ADARB2: variants seen among roughly 807,000 people sequenced by gnomAD.
The protein encoded by ADARB2 is adenosine deaminase RNA specific B2 (inactive).
ADARB2 carries 25 observed loss-of-function variants against 62.2 expected under a neutral mutation model. The observed-to-expected ratio is 0.40, with a 90% CI of 0.29 to 0.56. ADARB2 has a LOEUF of 0.56. ADARB2 is among the 20% of genes least tolerant of loss of function. The pLI, the probability that ADARB2 is intolerant of heterozygous loss-of-function variation, is 0.43. For missense variants in ADARB2, 1,071 were observed against 1,077.4 expected (o/e 0.99, Z 0.08); for synonymous variants, 572 against 500.8 (o/e 1.14, Z -1.90).
chr10:1,439,250 T>C (rs1195273170), intron 1 of ADARB2, among the ~76,000 whole-genome samples: 2 of 112,412 alleles, frequency 1.8e-5, no homozygotes, highest in African/African-American at 4.1e-5. Flanking sequence ...AGACTCTTCA[T>C]GATGGGGCTC....
chr10:1,606,606 A>G (rs1407772396), intron 1 of ADARB2, among the ~76,000 whole-genome samples: 1 of 152,112 alleles, frequency 6.6e-6, no homozygotes. Flanking sequence ...TCAAGAGGGA[A>G]GAAAAGGTGC....
chr10:1,415,296 G>A (rs1000286639), intron 1 of ADARB2, among the ~76,000 whole-genome samples: 6 of 150,398 alleles, frequency 4.0e-5, no homozygotes, highest in South Asian at 2.1e-4. Context: ...GGTATATGAC[G>A]ATAGAATGGG....
intron 1 of ADARB2, among the ~76,000 whole-genome samples, chr10:1,628,290 G>T (rs11250679): frequency 0.11 from 17,280 of 152,226 alleles, 2,425 homozygotes; most frequent in African/African-American, 0.33. Flanking sequence ...CCTGCTAGCC[G>T]TGGGTAGTGC....
At position 1,297,280 on chromosome 10, in the gene ADARB2, C is replaced by T. The variant is rs1382295680; in HGVS notation, c.1078-26211G>A. On this transcript the variant is annotated intron_variant, in intron 3 of 9. Transcript: ENST00000381312. The stretch of plus-strand genomic sequence containing the variant: ...TGGGTATGGAGGGAGGCGTAGCCCC[C>T]GTCAGCCGTGGTTATGGACCCGCAG... 3.9e-5 allele frequency among the ~76,000 whole-genome samples: 6 copies of T among 152,324 alleles called. No individual in the cohort carries two copies. The East Asian group carries it at 7.7e-4, about 20-fold the overall frequency.
At chr10:1,615,881 G>A (rs886276193) in intron 1 of ADARB2, among the ~76,000 whole-genome samples, 2 of 152,182 alleles carry the variant, frequency 1.3e-5, no homozygotes, top group African/African-American at 4.8e-5. Flanking sequence ...TAAACACGCC[G>A]AATTCACCAG....
At position 1,321,557 on chromosome 10, in the gene ADARB2, A is replaced by AT. The variant is rs202241008; in HGVS notation, c.1077+41470dup. Among the ~76,000 whole-genome samples, 1,200 of 151,910 alleles carry AT rather than the reference A, an allele frequency of 7.9e-3. 24 individuals carry two copies. Among genetic ancestry groups the AT allele is most frequent in the African/African-American group, 0.026 (1,096 of 41,412 alleles). Reference sequence around the variant, plus strand: ...CACTGCGCCCTGCTAATATTTTCAAATTTTTTTGTAGAGATGGGGGTCTCA... The same window carrying AT: ...CACTGCGCCCTGCTAATATTTTCAAATTTTTTTTGTAGAGATGGGGGTCTCA... On this transcript the variant is annotated intron_variant, in intron 3 of 9. Coordinates refer to ENST00000381312, the MANE Select transcript of ADARB2 (RefSeq NM_018702.4).
chr10:1,466,791 C>A (rs1320884477), intron 1 of ADARB2, among the ~76,000 whole-genome samples: 2 of 152,212 alleles, frequency 1.3e-5, no homozygotes, highest in Non-Finnish European at 2.9e-5. Flanking sequence ...AGAGCACGTT[C>A]CCCGTGACAT....
chr10:1,603,693 C>CTT (rs11407289), intron 1 of ADARB2, among the ~76,000 whole-genome samples: 21,787 of 143,396 alleles, frequency 0.15, 1,793 homozygotes, highest in Non-Finnish European at 0.19. Flanking sequence ...GAGCTGTGAT[C>CTT]TTTTTTTTTT....
chr10:1,692,195 A>AAGC (rs1359817004), intron 1 of ADARB2, among the ~76,000 whole-genome samples: 1 of 152,210 alleles, frequency 6.6e-6, no homozygotes, highest in Non-Finnish European at 1.5e-5. Flanking sequence ...TATCACCTAA[A>AAGC]AGCATCACAT....
chr10:1,641,843 T>C (rs1833982435), intron 1 of ADARB2, among the ~76,000 whole-genome samples: 1 of 152,120 alleles, frequency 6.6e-6, no homozygotes, highest in African/African-American at 2.4e-5. Context: ...TGAAACCCTG[T>C]CTCTACTAAA....
chr10:1,200,878 C>T (rs1836976279), intron 7 of ADARB2, among the ~76,000 whole-genome samples: 1 of 152,188 alleles, frequency 6.6e-6, no homozygotes, highest in Non-Finnish European at 1.5e-5. Context: ...CGTTACGTAG[C>T]TAATTTCTTA....
chr10:1,191,469 C>G (rs537016844), intron 8 of ADARB2, among the ~76,000 whole-genome samples: 2 of 152,200 alleles, frequency 1.3e-5, no homozygotes, highest in South Asian at 4.2e-4. Context: ...TGGTGGTGAG[C>G]AGGGTCGGGC....
chr10:1,247,145 T>C lies in ADARB2; in HGVS notation c.1193-4846A>G, dbSNP rs950957095. Among the ~76,000 whole-genome samples, 8 of 152,350 alleles carry C rather than the reference T, an allele frequency of 5.3e-5. No individual in the cohort carries two copies. The Middle Eastern group carries it at 0.01, about 194-fold the overall frequency. ...TTTGGCTGTTTGTCTGTTATTGGTG[T>C]ATAAGAATGCTTGTGATTTTTGTAC... On this transcript the variant is annotated intron_variant, in intron 4 of 9. Transcript: ENST00000381312.
intron 3 of ADARB2, among the ~76,000 whole-genome samples, chr10:1,285,983 C>G (rs11596488): frequency 6.6e-6 from 1 of 151,830 alleles, no homozygotes; most frequent in Middle Eastern, 3.2e-3. Flanking sequence ...GTTAGATTTG[C>G]ACGTGGGTGG....
chr10:1,667,426 A>G (rs1834328569), intron 1 of ADARB2, among the ~76,000 whole-genome samples: 1 of 152,240 alleles, frequency 6.6e-6, no homozygotes, highest in South Asian at 2.1e-4. Context: ...AAAATTGCAA[A>G]TGGGGTTCTC....
intron 6 of ADARB2, among the ~76,000 whole-genome samples, chr10:1,223,962 CT>C: frequency 6.6e-6 from 1 of 152,200 alleles, no homozygotes; most frequent in Non-Finnish European, 1.5e-5. Flanking sequence ...AGGATTCCCT[CT>C]TTTTCTATTG....
chr10:1,249,334 TGA>T (rs1439870814), intron 4 of ADARB2, among the ~76,000 whole-genome samples: 4 of 151,170 alleles, frequency 2.6e-5, no homozygotes, highest in Non-Finnish European at 5.9e-5. Flanking sequence ...CCCGGGTACT[TGA>T]GAGACTGAGG....
chr10:1,733,103 G>A (rs1160410182), intron 1 of ADARB2, among the ~76,000 whole-genome samples: 2 of 152,206 alleles, frequency 1.3e-5, no homozygotes, highest in Non-Finnish European at 2.9e-5. Flanking sequence ...AAGCTCAAAT[G>A]CAACCCGACC....
intron 6 of ADARB2, among the ~76,000 whole-genome samples, chr10:1,231,839 A>C (rs1022509160): frequency 6.6e-6 from 1 of 152,128 alleles, no homozygotes; most frequent in Non-Finnish European, 1.5e-5. Flanking sequence ...AGGAGGAGGA[A>C]TGTTTCTGGG....
Sources: gnomAD v4.1 joint callset for allele counts (sites outside exome capture counted in the v4.1 genomes callset) on GRCh38, gnomAD v4.1.1 for gene constraint, MANE v1.5 for transcripts, NCBI Gene and HGNC (gene_info 2026-07-23, HGNC 2026-07-21) for gene names.